The following GNS variants were observed in gnomAD, a reference collection of about 807,000 sequenced individuals.
The protein encoded by GNS is N-acetylglucosamine-6-sulfatase.
A neutral mutation model predicts 69.7 loss-of-function variants in GNS; 40 were observed. The ratio of observed to expected loss-of-function variants is 0.57; its 90% CI spans 0.45 to 0.75. GNS has a LOEUF of 0.75. Among genes scored for constraint, GNS ranks in the 30% least tolerant of loss-of-function variants. GNS has a pLI of 0.00. For synonymous variants in GNS, 243 were observed against 251.6 expected, an observed-to-expected ratio of 0.97 and a Z score of 0.32; for missense variants, 565 against 685.5, an observed-to-expected ratio of 0.82 and a Z score of 1.96.
chr12:64,752,178 A>G (rs1870102130), intron 2 of GNS, among the ~76,000 whole-genome samples: 1 of 152,160 alleles, frequency 6.6e-6, no homozygotes, highest in Non-Finnish European at 1.5e-5. Context: ...CTGGCTCCAG[A>G]GTCTGAGCAC....
intron 6 of GNS, among the ~76,000 whole-genome samples, chr12:64,742,167 T>C (rs544251173): frequency 3.1e-4 from 47 of 152,148 alleles, no homozygotes; most frequent in Middle Eastern, 3.4e-3. Flanking sequence ...AGTACAGGTG[T>C]CCACCACCAC....
chr12:64,758,179 GA>G (rs756100400), intron 1 of GNS, among the ~76,000 whole-genome samples: 101 of 152,172 alleles, frequency 6.6e-4, no homozygotes, highest in Non-Finnish European at 1.0e-3. Context: ...GATAGAAAAT[GA>G]AACACTGACA....
At chr12:64,736,848 G>GA (rs1192840057) in intron 9 of GNS, among the ~76,000 whole-genome samples, 156 bp downstream of exon 9, 11 of 147,628 alleles carry the variant, frequency 7.5e-5, no homozygotes, top group East Asian at 3.9e-4. Context: ...GGAAGTTAAG[G>GA]AAAAAAAAAA....
intron 2 of GNS, among the ~76,000 whole-genome samples, chr12:64,749,957 C>A (rs1488877085): frequency 6.7e-6 from 1 of 149,326 alleles, no homozygotes; most frequent in East Asian, 2.0e-4. Context: ...CTCACTGCAA[C>A]CTCCGCAACC....
intron 13 of GNS, among the ~76,000 whole-genome samples, chr12:64,717,564 T>C (rs1868904890): frequency 6.8e-6 from 1 of 146,178 alleles, no homozygotes. Context: ...AGTTTCACCA[T>C]GTTGCCCAGG....
chr12:64,739,120 G>A (rs1398539110), intron 8 of GNS, among the ~76,000 whole-genome samples: 1 of 152,066 alleles, frequency 6.6e-6, no homozygotes, highest in Non-Finnish European at 1.5e-5. Flanking sequence ...CATACGGCCT[G>A]CCTCCAACCC....
Position 64,737,020 on chromosome 12 carries a change from G to C in GNS, c.1082C>G (p.Pro361Arg). Residue 361 changes from proline to arginine, a missense_variant, in exon 9 of 14, where the codon CCA becomes CGA. Transcript: ENST00000258145. ...PLLVRGPGIK[P>R]NQTSKMLVAN... ...GGCACCTACCTTGCTTGTCTGATTT[G>C]GTTTGATCCCAGGTCCTCGAACCAA... 1 of 1,562,972 alleles carries C rather than the reference G, an allele frequency of 6.4e-7. No individual in the cohort carries two copies. The highest frequency in any genetic ancestry group is 2.2e-5 in the East Asian group (1 of 44,656).
intron 8 of GNS, among the ~76,000 whole-genome samples, 184 bp downstream of exon 8, chr12:64,739,197 T>A (rs185881580): frequency 3.2e-4 from 49 of 152,254 alleles, no homozygotes; most frequent in Admixed American, 1.4e-3. Context: ...CAGCAAATAA[T>A]GAAACCTGGT....
intron 10 of GNS, among the ~76,000 whole-genome samples, chr12:64,724,866 A>C (rs940762311): frequency 2.0e-5 from 3 of 152,128 alleles, no homozygotes; most frequent in African/African-American, 4.8e-5. Context: ...GTCTCGGAAA[A>C]AACAAACAAA....
At chr12:64,753,839 G>A (rs1279056418) in intron 1 of GNS, among the ~76,000 whole-genome samples, 1 of 152,188 alleles carries the variant, frequency 6.6e-6, no homozygotes, top group Non-Finnish European at 1.5e-5. Flanking sequence ...CGCTAGAGAA[G>A]CAGAAGATCT....
At chr12:64,723,440 T>G (rs1390399751) in intron 10 of GNS, among the ~76,000 whole-genome samples, 1 of 152,248 alleles carries the variant, frequency 6.6e-6, no homozygotes, top group Admixed American at 6.5e-5. Flanking sequence ...AAGTCCAGAC[T>G]AGAATAAATA....
At chr12:64,722,154 A>G (rs976384373) in intron 11 of GNS, among the ~76,000 whole-genome samples, 1 of 151,958 alleles carries the variant, frequency 6.6e-6, no homozygotes, top group African/African-American at 2.4e-5. Flanking sequence ...CCTCCTGAGT[A>G]GCACAGGCAT....
intron 6 of GNS, among the ~76,000 whole-genome samples, chr12:64,741,692 C>A (rs1869741655): frequency 6.6e-6 from 1 of 152,032 alleles, no homozygotes. Flanking sequence ...TCTGGAGGGC[C>A]CTCCCATTTA....
intron 2 of GNS, among the ~76,000 whole-genome samples, chr12:64,751,312 T>C (rs1870070127): frequency 6.6e-6 from 1 of 152,358 alleles, no homozygotes; most frequent in African/African-American, 2.4e-5. Context: ...TCTTGCTGAA[T>C]TCTAGTGATT....
chr12:64,724,879 A>T (rs1377046776), intron 10 of GNS, among the ~76,000 whole-genome samples: 1 of 152,150 alleles, frequency 6.6e-6, no homozygotes, highest in Non-Finnish European at 1.5e-5. Flanking sequence ...CAAACAAACA[A>T]ACCTCATGAT....
Position 64,714,139 on chromosome 12 carries a change from G to A in GNS, c.*2602C>T, listed in dbSNP as rs547034900. The A allele has an allele frequency of 4.6e-5, 7 of 151,978 alleles. No homozygotes were observed. In the East Asian group the frequency reaches 9.6e-4, roughly 21 times the overall value. The allele number at this position is 151,978 out of a possible 1,614,324, so 9.4% of individuals were successfully genotyped here. A position where few individuals can be genotyped will look rare whatever the true frequency, so the allele number is the denominator to read the frequency against. ...CGCGAGACTTCATCTCAAAAAAAAA[G>A]TGTTTGCAACAGCACCATTTGTCAA... On this transcript the variant is annotated 3_prime_UTR_variant, in exon 14 of 14. Coordinates refer to ENST00000258145, the MANE Select transcript of GNS (RefSeq NM_002076.4).
At chr12:64,748,203 G>T (rs973739916) in intron 2 of GNS, among the ~76,000 whole-genome samples, 6 of 135,358 alleles carry the variant, frequency 4.4e-5, no homozygotes, top group African/African-American at 6.7e-5. Flanking sequence ...AGAGATAGTT[G>T]TTTTTTTTTT....
chr12:64,731,319 C>T lies in GNS; in HGVS notation c.1099-2262G>A, dbSNP rs115648090. ...CTCAAACTTCTGAATTCAAGTGATC[C>T]GCCTGCCCTGGCCTCCCAAAGTGCT... On this transcript the variant is annotated intron_variant, in intron 9 of 13. Coordinates refer to ENST00000258145, the MANE Select transcript of GNS (RefSeq NM_002076.4). 3.9e-3 allele frequency among the ~76,000 whole-genome samples: 597 copies of T among 152,298 alleles called. 1 individual carries two copies. The highest frequency in any genetic ancestry group is 0.014 in the African/African-American group (563 of 41,562).
chr12:64,746,557 T>A (rs1869904853), intron 3 of GNS, among the ~76,000 whole-genome samples: 1 of 152,192 alleles, frequency 6.6e-6, no homozygotes, highest in South Asian at 2.1e-4. Context: ...GCCCTGCAGA[T>A]GAAACCCACT....
Sources: gnomAD v4.1 joint callset for allele counts (sites outside exome capture counted in the v4.1 genomes callset) on GRCh38, gnomAD v4.1.1 for gene constraint, MANE v1.5 for transcripts, NCBI Gene and HGNC (gene_info 2026-07-23, HGNC 2026-07-21) for gene names.